Variants in CHST9 observed in about 807,000 individuals in gnomAD.
The protein encoded by CHST9 is carbohydrate sulfotransferase 9.
Under a neutral mutation model 44.4 loss-of-function variants are expected in CHST9, and 41 were observed. The ratio of observed to expected loss-of-function variants is 0.92; its 90% CI spans 0.72 to 1.20. The LOEUF (loss-of-function observed/expected upper bound fraction) is 1.20, where lower values mean the gene tolerates loss of function less well. Among genes scored for constraint, CHST9 ranks in the 50% most tolerant of loss-of-function variants. The pLI, the probability that CHST9 is intolerant of heterozygous loss-of-function variation, is 0.00. For synonymous variants in CHST9, 171 were observed against 178.4 expected, an observed-to-expected ratio of 0.96 and a Z score of 0.33; for missense variants, 504 against 516.5, an observed-to-expected ratio of 0.98 and a Z score of 0.23.
chr18:26,919,478 A>G (rs2055605703), intron 5 of CHST9, among the ~76,000 whole-genome samples: 1 of 152,220 alleles, frequency 6.6e-6, no homozygotes, highest in Non-Finnish European at 1.5e-5. Context: ...AGCACAGGCC[A>G]AATATAAAAC....
chr18:26,957,663 A>G (rs1219980037), intron 4 of CHST9, among the ~76,000 whole-genome samples: 1 of 151,848 alleles, frequency 6.6e-6, no homozygotes, highest in Admixed American at 6.6e-5. Context: ...AATTTTCACC[A>G]CTATCAGAGA....
chr18:26,952,774 T>TA (rs1338207911), intron 4 of CHST9, among the ~76,000 whole-genome samples: 1 of 152,192 alleles, frequency 6.6e-6, no homozygotes, highest in Non-Finnish European at 1.5e-5. Context: ...TCCTAAGTGC[T>TA]GGGCATGCAA....
chr18:27,096,142 C>A (rs1407189265), intron 2 of CHST9, among the ~76,000 whole-genome samples: 2 of 151,928 alleles, frequency 1.3e-5, no homozygotes, highest in African/African-American at 4.8e-5. Context: ...CTTTCAAAAC[C>A]ACAATATCAC....
intron 4 of CHST9, among the ~76,000 whole-genome samples, chr18:26,980,480 T>C (rs1448941675): frequency 6.6e-6 from 1 of 152,164 alleles, no homozygotes; most frequent in African/African-American, 2.4e-5. Context: ...CTCTGGAAAC[T>C]TTGACAGAAT....
chr18:27,028,147 C>A (rs989460045), intron 3 of CHST9, among the ~76,000 whole-genome samples: 1 of 152,166 alleles, frequency 6.6e-6, no homozygotes, highest in African/African-American at 2.4e-5. Context: ...AACTCTTGAC[C>A]TTGTGATCTG....
At chr18:26,944,388 ATT>A in intron 4 of CHST9, 22 bp from the exon 5 acceptor site, 1 of 1,563,626 alleles carries the variant, frequency 6.4e-7, no homozygotes, top group Non-Finnish European at 8.8e-7. Context: ...AGCAAAAAGA[ATT>A]TTTACATTAA....
At chr18:27,121,696 T>C (rs538616349) in intron 2 of CHST9, among the ~76,000 whole-genome samples, 47 of 152,236 alleles carry the variant, frequency 3.1e-4, no homozygotes, top group African/African-American at 1.1e-3. Flanking sequence ...GATGACACCA[T>C]ATGGAGGAAA....
Position 26,914,947 on chromosome 18 carries a change from C to G in CHST9, c.*1312G>C. Reference sequence around the variant, plus strand: ...CGACCAATTAAAGTAGGTTTCCCATCCAAATGTTTCCCATCCAAAATGATC... The same window carrying G: ...CGACCAATTAAAGTAGGTTTCCCATGCAAATGTTTCCCATCCAAAATGATC... On this transcript the variant is annotated 3_prime_UTR_variant, in exon 6 of 6. Coordinates refer to ENST00000618847, the MANE Select transcript of CHST9 (RefSeq NM_031422.6). 4 of 396,306 alleles carry G rather than the reference C, an allele frequency of 1.0e-5. No homozygotes were observed. The highest frequency in any genetic ancestry group is 1.8e-5 in the Non-Finnish European group (4 of 225,382). 24.5% of individuals were successfully genotyped at this position (396,306 alleles called of 1,614,324 possible).
intron 2 of CHST9, among the ~76,000 whole-genome samples, chr18:27,090,102 C>T (rs566197204): frequency 7.9e-5 from 12 of 152,114 alleles, no homozygotes; most frequent in East Asian, 1.9e-4. Context: ...TGAGCCACCG[C>T]GCCCAGTGTT....
At chr18:27,072,539 G>A (rs958617731) in intron 2 of CHST9, among the ~76,000 whole-genome samples, 5 of 152,074 alleles carry the variant, frequency 3.3e-5, no homozygotes, top group South Asian at 4.1e-4. Flanking sequence ...GTAGGCTTGC[G>A]TGTCCACATG....
At chr18:26,927,385 A>G (rs552442934) in intron 5 of CHST9, among the ~76,000 whole-genome samples, 7 of 152,124 alleles carry the variant, frequency 4.6e-5, no homozygotes, top group African/African-American at 1.7e-4. Context: ...AGAGAAAGAA[A>G]AGTGGGCCCA....
chr18:27,022,023 C>T (rs2057232647), intron 4 of CHST9, among the ~76,000 whole-genome samples: 1 of 152,204 alleles, frequency 6.6e-6, no homozygotes, highest in Non-Finnish European at 1.5e-5. Context: ...TGAGGTCACC[C>T]AGCATGTGTT....
At position 26,949,441 on chromosome 18, in the gene CHST9, A is replaced by G. The variant is rs190693729; in HGVS notation, c.203-5075T>C. ...GTGCCTGTAGTCCCAGCTACTCAAG[A>G]GACTGAGGTGGGAGGATTGCTTGAG... On this transcript the variant is annotated intron_variant, in intron 4 of 5. Transcript: ENST00000618847. 1.8e-3 allele frequency among the ~76,000 whole-genome samples: 275 copies of G among 152,024 alleles called. 1 individual carries two copies. Among genetic ancestry groups the G allele is most frequent in the African/African-American group, 6.4e-3 (264 of 41,464 alleles).
intron 3 of CHST9, among the ~76,000 whole-genome samples, chr18:27,035,706 AC>A (rs1397013622): frequency 2.6e-5 from 4 of 152,182 alleles, no homozygotes; most frequent in Non-Finnish European, 5.9e-5. Flanking sequence ...AGGCAGAAAG[AC>A]AAATTCTACA....
chr18:27,023,837 A>C (rs766192924), intron 4 of CHST9, among the ~76,000 whole-genome samples: 1 of 152,210 alleles, frequency 6.6e-6, no homozygotes, highest in Non-Finnish European at 1.5e-5. Context: ...TCATATAAGG[A>C]AAACACCATC....
intron 1 of CHST9, among the ~76,000 whole-genome samples, chr18:27,162,187 C>T (rs2058752923): frequency 6.6e-6 from 1 of 152,188 alleles, no homozygotes; most frequent in South Asian, 2.1e-4. Context: ...TTAGTTGATG[C>T]AGTTTCTTCC....
chr18:26,997,138 C>G (rs1331741742), intron 4 of CHST9, among the ~76,000 whole-genome samples: 1 of 152,164 alleles, frequency 6.6e-6, no homozygotes, highest in Non-Finnish European at 1.5e-5. Flanking sequence ...AAGGGAATAA[C>G]AGCAGATGTT....
At chr18:27,060,603 G>T (rs1019302760) in intron 2 of CHST9, among the ~76,000 whole-genome samples, 2 of 152,136 alleles carry the variant, frequency 1.3e-5, no homozygotes, top group African/African-American at 2.4e-5. Flanking sequence ...GTCAGGGAAG[G>T]GCAGTAACTT....
Position 26,908,172 on chromosome 18 carries a change from A to C in CHST9, c.*8087T>G, listed in dbSNP as rs1210567672. 6.6e-6 allele frequency: 1 copy of C among 152,526 alleles called. No individual in the cohort carries two copies. The highest frequency in any genetic ancestry group is 2.4e-5 in the African/African-American group (1 of 41,474). The allele number at this position is 152,526 out of a possible 1,614,324, so 9.4% of individuals were successfully genotyped here. ...GGTGGCTCATGCCTGTAATCCCAGC[A>C]CTTTGGGAGGCTGTGGCGGATGGGT... On this transcript the variant is annotated 3_prime_UTR_variant, in exon 6 of 6. Transcript: ENST00000618847.
Sources: gnomAD v4.1 joint callset for allele counts (sites outside exome capture counted in the v4.1 genomes callset) on GRCh38, gnomAD v4.1.1 for gene constraint, MANE v1.5 for transcripts, NCBI Gene and HGNC (gene_info 2026-07-23, HGNC 2026-07-21) for gene names.